Variants in MDFIC2 observed in about 807,000 individuals in gnomAD.
MDFIC2 encodes myoD family inhibitor domain-containing protein 2.
chr3:70,250,292 G>T (rs1467862547), intron 2 of MDFIC2, among the ~76,000 whole-genome samples: 2 of 151,984 alleles, frequency 1.3e-5, no homozygotes, highest in Admixed American at 1.3e-4. Flanking sequence ...ACTCTCTTAG[G>T]ATATAATTTG....
intron 2 of MDFIC2, among the ~76,000 whole-genome samples, chr3:70,213,746 G>T (rs184282615): frequency 1.3e-5 from 2 of 152,196 alleles, no homozygotes; most frequent in Admixed American, 1.3e-4. Flanking sequence ...AGCTTGGTAG[G>T]TAATAATACA....
At chr3:70,244,338 A>C (rs1195531503) in intron 2 of MDFIC2, among the ~76,000 whole-genome samples, 1 of 152,202 alleles carries the variant, frequency 6.6e-6, no homozygotes, top group African/African-American at 2.4e-5. Context: ...CATTTTCTCA[A>C]TGCCTCTTTG....
At position 70,196,915 on chromosome 3, in the gene MDFIC2, A is replaced by T. The variant is rs1393599662; in HGVS notation, c.*11T>A. ...CCAAAAGGACTGCCGGAATGTGGTT[A>T]CTTCACTGTGCTAGCGGTAACAGAT... On this transcript the variant is annotated 3_prime_UTR_variant, in exon 4 of 4. Transcript: ENST00000567252. The T allele has an allele frequency of 2.5e-6, 1 of 398,406 alleles. No homozygotes were observed. The highest frequency in any genetic ancestry group is 2.1e-5 in the African/African-American group (1 of 48,626). The allele number at this position is 398,406 out of a possible 1,614,324, so 24.7% of individuals were successfully genotyped here.
At chr3:70,300,338 A>G (rs1428274337) in intron 2 of MDFIC2, among the ~76,000 whole-genome samples, 2 of 152,058 alleles carry the variant, frequency 1.3e-5, no homozygotes, top group Non-Finnish European at 2.9e-5. Flanking sequence ...TTCTCTTACA[A>G]CATTATACAG....
chr3:70,312,276 C>G (rs574297253), intron 1 of MDFIC2, among the ~76,000 whole-genome samples: 6 of 152,218 alleles, frequency 3.9e-5, no homozygotes, highest in African/African-American at 1.4e-4. Context: ...TTGTAAGAAA[C>G]AAACAAACAT....
Position 70,206,635 on chromosome 3 carries a change from C to G in MDFIC2, c.244G>C (p.Glu82Gln). Residue 82 changes from glutamate (E) to glutamine (Q), a missense_variant, in exon 3 of 4, where the codon GAA becomes CAA. Transcript: ENST00000567252. ...SESSTSLSSL[E>Q]ECQTTFSYLQ... ...TAAGAAAATGTTGTTTGGCATTCTT[C>G]AAGGGAGGACAGTGATGTGCTGGAT... 2.5e-6 allele frequency: 1 copy of G among 397,834 alleles called. No individual in the cohort carries two copies. Among genetic ancestry groups the G allele is most frequent in the East Asian group, 3.6e-5 (1 of 28,040 alleles). 24.6% of individuals were successfully genotyped at this position (397,834 alleles called of 1,614,324 possible).
At chr3:70,294,831 T>A (rs1702274599) in intron 2 of MDFIC2, among the ~76,000 whole-genome samples, 1 of 152,124 alleles carries the variant, frequency 6.6e-6, no homozygotes, top group Non-Finnish European at 1.5e-5. Flanking sequence ...TTCCCAAGTT[T>A]CAAGCATCAC....
At chr3:70,301,628 C>T (rs1178125579) in intron 2 of MDFIC2, among the ~76,000 whole-genome samples, 1 of 152,046 alleles carries the variant, frequency 6.6e-6, no homozygotes, top group Non-Finnish European at 1.5e-5. Context: ...TTTTATCAAT[C>T]TGCGTTTGCA....
intron 2 of MDFIC2, among the ~76,000 whole-genome samples, chr3:70,311,166 T>C (rs754265413): frequency 3.3e-5 from 5 of 152,206 alleles, no homozygotes; most frequent in Non-Finnish European, 7.3e-5. Context: ...GTAAGAGCTG[T>C]CCTTTTACAA....
Position 70,196,068 on chromosome 3 carries a change from A to G in MDFIC2, c.*858T>C, listed in dbSNP as rs892855261. ...GTGTCTATACAAATGATAGTTTTGTAAAATGAGCTGAATCTGTTTTAATAT... is the reference window on the plus strand; with the variant it reads ...GTGTCTATACAAATGATAGTTTTGTGAAATGAGCTGAATCTGTTTTAATAT... On this transcript the variant is annotated 3_prime_UTR_variant, in exon 4 of 4. Transcript: ENST00000567252. Among the ~76,000 whole-genome samples, 1 of 152,236 alleles carries G rather than the reference A, an allele frequency of 6.6e-6. No individual in the cohort carries two copies. Among genetic ancestry groups the G allele is most frequent in the Non-Finnish European group, 1.5e-5 (1 of 68,036 alleles).
At chr3:70,288,735 A>T (rs9882525) in intron 2 of MDFIC2, among the ~76,000 whole-genome samples, 1 of 150,850 alleles carries the variant, frequency 6.6e-6, no homozygotes, top group South Asian at 2.1e-4. Flanking sequence ...TTATGAATCT[A>T]GGTGCTCCTG....
chr3:70,209,664 T>A (rs921686722), intron 2 of MDFIC2, among the ~76,000 whole-genome samples: 1 of 152,096 alleles, frequency 6.6e-6, no homozygotes, highest in African/African-American at 2.4e-5. Context: ...GCTTTGTGCT[T>A]GTCCTTTTCC....
chr3:70,269,055 C>T (rs1701950781), intron 2 of MDFIC2, among the ~76,000 whole-genome samples: 1 of 151,854 alleles, frequency 6.6e-6, no homozygotes, highest in Non-Finnish European at 1.5e-5. Context: ...ATTATTGTCC[C>T]TTTATCAACC....
chr3:70,217,001 C>T (rs937311051), intron 2 of MDFIC2, among the ~76,000 whole-genome samples: 2 of 152,120 alleles, frequency 1.3e-5, no homozygotes, highest in Non-Finnish European at 2.9e-5. Context: ...ATCTCATAGC[C>T]CTGATCACCA....
At chr3:70,221,392 G>A (rs886798130) in intron 2 of MDFIC2, among the ~76,000 whole-genome samples, 1 of 152,142 alleles carries the variant, frequency 6.6e-6, no homozygotes, top group Non-Finnish European at 1.5e-5. Context: ...GAGAAGAAGG[G>A]CGCTGTGCCT....
chr3:70,246,600 G>T (rs1375091811), intron 2 of MDFIC2, among the ~76,000 whole-genome samples: 1 of 151,964 alleles, frequency 6.6e-6, no homozygotes, highest in Non-Finnish European at 1.5e-5. Flanking sequence ...CATGAAATAC[G>T]AGGAACATAC....
At chr3:70,208,986 A>G (rs1559535361) in intron 2 of MDFIC2, among the ~76,000 whole-genome samples, 1 of 152,236 alleles carries the variant, frequency 6.6e-6, no homozygotes, top group East Asian at 1.9e-4. Context: ...ATTGAAGTGG[A>G]ATCAGCCCTA....
chr3:70,257,674 A>T (rs1433475018), intron 2 of MDFIC2, among the ~76,000 whole-genome samples: 1 of 152,238 alleles, frequency 6.6e-6, no homozygotes, highest in African/African-American at 2.4e-5. Flanking sequence ...ACCTAAATTA[A>T]TGGAGATACA....
chr3:70,217,908 T>G, intron 2 of MDFIC2, among the ~76,000 whole-genome samples: 1 of 152,176 alleles, frequency 6.6e-6, no homozygotes, highest in East Asian at 1.9e-4. Context: ...ATTTGTGATG[T>G]GCCTGTATAA....
Sources: allele counts gnomAD v4.1 joint callset (sites outside exome capture counted in the v4.1 genomes callset), GRCh38; gene constraint gnomAD v4.1.1; transcripts MANE v1.5; gene names NCBI Gene and HGNC (gene_info 2026-07-23, HGNC 2026-07-21).